DNAH1: variants seen among roughly 807,000 people sequenced by gnomAD.
DNAH1 encodes dynein axonemal heavy chain 1.
DNAH1 carries 327 observed loss-of-function variants against 484.3 expected under a neutral mutation model. The observed-to-expected ratio is 0.68, with a 90% CI of 0.62 to 0.74. The LOEUF is 0.74. Among genes scored for constraint, DNAH1 ranks in the 30% least tolerant of loss-of-function variants. The pLI, the probability that DNAH1 is intolerant of heterozygous loss-of-function variation, is 0.00. For missense variants in DNAH1, 5,052 were observed against 5,546.8 expected, an observed-to-expected ratio of 0.91 and a Z score of 2.83; for synonymous variants, 2,192 against 2,191.9, an observed-to-expected ratio of 1.00 and a Z score of 0.00.
At chr3:52,357,536 G>T in intron 22 of DNAH1, 78 bp from the exon 23 acceptor site, 1 of 1,530,630 alleles carries the variant, frequency 6.5e-7, no homozygotes, top group South Asian at 1.2e-5. Flanking sequence ...TGGCTGGTGT[G>T]GGTGCTCTGG....
In DNAH1 at chr3:52,378,756, C is replaced by T. The variant is rs768667196; in HGVS notation, c.7353C>T (p.Leu2451=). The T allele has an allele frequency of 2.5e-6, 4 of 1,613,626 alleles. No homozygotes were observed. Among genetic ancestry groups the T allele is most frequent in the African/African-American group, 1.3e-5 (1 of 74,924 alleles). ...RDLSKVFQGM[L]MADPAKVEDQ... ...TCTCCAAGGTCTTCCAAGGCATGCTCATGGCTGACCCGGCCAAGGTCGAGG... is the reference window on the plus strand; with the variant it reads ...TCTCCAAGGTCTTCCAAGGCATGCTTATGGCTGACCCGGCCAAGGTCGAGG... The change falls in exon 47 of 78, where the codon CTC becomes CTT. Residue 2451 remains leucine, a synonymous_variant. Transcript: ENST00000420323.
chr3:52,386,097 G>A, intron 54 of DNAH1, 63 bp from the exon 55 acceptor site: 2 of 1,522,174 alleles, frequency 1.3e-6, no homozygotes, highest in South Asian at 1.3e-5. Context: ...CCTTCCATCT[G>A]GGGAGACTAA....
intron 28 of DNAH1, 67 bp downstream of exon 28, chr3:52,360,491 T>G: frequency 7.2e-7 from 1 of 1,390,140 alleles, no homozygotes; most frequent in Non-Finnish European, 1.0e-6. Context: ...GGCCCAGGAA[T>G]CCAGGGACCA....
At chr3:52,324,552 G>T (rs1701265674) in intron 3 of DNAH1, among the ~76,000 whole-genome samples, 1 of 152,106 alleles carries the variant, frequency 6.6e-6, no homozygotes, top group Non-Finnish European at 1.5e-5. Context: ...CCCTGTGGCT[G>T]CCCCTGTCCG....
chr3:52,353,157 A>G lies in DNAH1; in HGVS notation c.3082A>G (p.Thr1028Ala). Residue 1028 changes from threonine to alanine, a missense_variant, in exon 19 of 78, where the codon ACC becomes GCC. Thr to Ala is a moderately conservative substitution (Grantham distance 58). This residue lies in a region of DNAH1 where 2,929 missense variants were observed against 3,409.4 expected (regional missense o/e 0.86). Coordinates refer to ENST00000420323, the MANE Select transcript of DNAH1 (RefSeq NM_015512.5). The surrounding 1 kb of genome is among the most constrained non-coding windows in gnomAD (Gnocchi z 5.0). ...KEFQPYLDLW[T>A]TASDWLRWSE... Reference sequence around the variant, plus strand: ...GTTCCAACCCTACCTGGACCTTTGGACCACAGCGTCTGACTGGCTGCGCTG... The same window carrying G: ...GTTCCAACCCTACCTGGACCTTTGGGCCACAGCGTCTGACTGGCTGCGCTG... 1 of 1,613,948 alleles carries G rather than the reference A, an allele frequency of 6.2e-7. No individual in the cohort carries two copies. The highest frequency in any genetic ancestry group is 8.5e-7 in the Non-Finnish European group (1 of 1,179,878).
intron 8 of DNAH1, among the ~76,000 whole-genome samples, chr3:52,341,399 T>C (rs1701934293): frequency 1.3e-5 from 2 of 152,208 alleles, no homozygotes; most frequent in South Asian, 4.1e-4. Context: ...CAGGGTATAA[T>C]AGAAGAAGCA....
intron 44 of DNAH1, chr3:52,373,843 T>C: frequency 7.1e-7 from 1 of 1,412,342 alleles, no homozygotes; most frequent in Non-Finnish European, 1.0e-6. Flanking sequence ...TACCCAGAAG[T>C]AGTCCATATG....
chr3:52,346,573 C>A lies in DNAH1; in HGVS notation c.1758C>A (p.Thr586=). ...AGGGCTGGTACAACCTCTACGAGAC[C>A]AACTGGGAGGTGTACCTCATGTCCA... ...MSKGWYNLYE[T]NWEVYLMSKL... Residue 586 remains threonine, a synonymous_variant, in exon 11 of 78, where the codon ACC becomes ACA. Coordinates refer to ENST00000420323, the MANE Select transcript of DNAH1 (RefSeq NM_015512.5). 1 of 1,614,050 alleles carries A rather than the reference C, an allele frequency of 6.2e-7. No homozygotes were observed. Among genetic ancestry groups the A allele is most frequent in the South Asian group, 1.1e-5 (1 of 91,078 alleles).
In DNAH1 at chr3:52,368,632, G is replaced by T; in HGVS notation, c.5766-109G>T. On this transcript the variant is annotated intron_variant, in intron 36 of 77. Transcript: ENST00000420323. This position sits in a 1 kb window ranked among gnomAD's most constrained non-coding sequence, Gnocchi z 4.4. ...TAATTTTTAAAAGAACAAAGAGATT[G>T]AAGGAAAGTAGAGCCCGCCCACCCG... 8.5e-7 allele frequency: 1 copy of T among 1,171,134 alleles called. No individual in the cohort carries two copies. Among genetic ancestry groups the T allele is most frequent in the Non-Finnish European group, 1.2e-6 (1 of 825,204 alleles). The allele number at this position is 1,171,134 out of a possible 1,614,324, so 72.5% of individuals were successfully genotyped here.
At chr3:52,345,069 T>TTCCTGCATG in intron 9 of DNAH1, among the ~76,000 whole-genome samples, 1 of 152,314 alleles carries the variant, frequency 6.6e-6, no homozygotes, top group East Asian at 1.9e-4. Context: ...TAGACTCAGC[T>TTCCTGCATG]TCCTGCATGT....
chr3:52,370,972 C>A (rs1375010562), intron 41 of DNAH1, 147 bp downstream of exon 41: 9 of 748,462 alleles, frequency 1.2e-5, no homozygotes, highest in African/African-American at 3.5e-5. Context: ...CTCATGAATC[C>A]TCATGGCCCT....
In DNAH1 at chr3:52,358,748, C is replaced by T. The variant is rs779077427; in HGVS notation, c.4266+11C>T. ...AGGGCCTACCCCACGGTGAGCCGCC[C>T]GCAGCCCGTGCAGCCTTCCACCCCT... On this transcript the variant is annotated intron_variant, in intron 25 of 77. Coordinates refer to ENST00000420323, the MANE Select transcript of DNAH1 (RefSeq NM_015512.5). The surrounding 1 kb of genome is among the most constrained non-coding windows in gnomAD (Gnocchi z 4.2). 30 of 1,611,592 alleles carry T rather than the reference C, an allele frequency of 1.9e-5. No homozygotes were observed. Among genetic ancestry groups the T allele is most frequent in the Middle Eastern group, 3.5e-4 (2 of 5,700 alleles).
chr3:52,396,904 G>A lies in DNAH1; in HGVS notation c.11647G>A (p.Gly3883Ser), dbSNP rs375133650. Reference sequence around the variant, plus strand: ...CACGGCAGGGGAGATCAATTACGGGGGCCGTGTCACTGATGACTGGGACCG... The same window carrying A: ...CACGGCAGGGGAGATCAATTACGGGAGCCGTGTCACTGATGACTGGGACCG... ...KYTAGEINYG[G>S]RVTDDWDRRC... The change falls in exon 73 of 78, where the codon GGC (glycine) becomes AGC (serine). Residue 3883 changes from glycine to serine, a missense_variant. This residue lies in a region of DNAH1 where 853 missense variants were observed against 899.0 expected (regional missense o/e 0.95). Coordinates refer to ENST00000420323, the MANE Select transcript of DNAH1 (RefSeq NM_015512.5). 1.9e-6 allele frequency: 3 copies of A among 1,613,324 alleles called. No homozygotes were observed. The highest frequency in any genetic ancestry group is 2.5e-6 in the Non-Finnish European group (3 of 1,179,846).
Position 52,396,861 on chromosome 3 carries a change from C to G in DNAH1, c.11611-7C>G. 6.2e-7 allele frequency: 1 copy of G among 1,612,934 alleles called. No individual in the cohort carries two copies. Among genetic ancestry groups the G allele is most frequent in the African/African-American group, 1.3e-5 (1 of 74,998 alleles). ...CTTAGGGGAGCCCTCACCCACCCACCCCATAGGTCCTCAAGTACACGGCAG... is the reference window on the plus strand; with the variant it reads ...CTTAGGGGAGCCCTCACCCACCCACGCCATAGGTCCTCAAGTACACGGCAG... On this transcript the variant is annotated splice_region_variant and splice_polypyrimidine_tract_variant and intron_variant, in intron 72 of 77. Coordinates refer to ENST00000420323, the MANE Select transcript of DNAH1 (RefSeq NM_015512.5).
intron 44 of DNAH1, chr3:52,374,608 G>A (rs909141310): frequency 5.0e-5 from 75 of 1,496,518 alleles, no homozygotes; most frequent in Non-Finnish European, 6.7e-5. Context: ...CTCTATTACT[G>A]GAATAATGAA....
At chr3:52,376,186 C>T (rs532431041) in intron 46 of DNAH1, among the ~76,000 whole-genome samples, 193 bp downstream of exon 46, 1 of 152,276 alleles carries the variant, frequency 6.6e-6, no homozygotes, top group East Asian at 1.9e-4. Context: ...TTCACCCATT[C>T]TTAGAGCCCT....
chr3:52,339,000 C>T (rs1249910777), intron 8 of DNAH1, among the ~76,000 whole-genome samples: 1 of 151,820 alleles, frequency 6.6e-6, no homozygotes, highest in Non-Finnish European at 1.5e-5. Context: ...TGCCACTGCA[C>T]TCCAGCCTGG....
At chr3:52,363,227 C>A in intron 32 of DNAH1, 83 bp downstream of exon 32, 1 of 1,557,192 alleles carries the variant, frequency 6.4e-7, no homozygotes. Context: ...GAGGGCCAGG[C>A]TCTATGCCCG....
rs375934111 is a variant in DNAH1, at chr3:52,378,569, C to T, written c.7199-33C>T. 7 of 1,608,554 alleles carry T rather than the reference C, an allele frequency of 4.4e-6. No homozygotes were observed. In the African/African-American group the frequency reaches 6.7e-5, roughly 15 times the overall value. On this transcript the variant is annotated intron_variant, in intron 46 of 77. Transcript: ENST00000420323. Reference sequence around the variant, plus strand: ...CAGAGGCGGCAGAGGGAGCTCCTGGCATGTGACCCAGGCCATTCTCCTATT... The same window carrying T: ...CAGAGGCGGCAGAGGGAGCTCCTGGTATGTGACCCAGGCCATTCTCCTATT...
Sources: allele counts gnomAD v4.1 joint callset (sites outside exome capture counted in the v4.1 genomes callset), GRCh38; gene constraint gnomAD v4.1.1; regional missense constraint gnomAD v4.1.1; non-coding constraint Gnocchi (gnomAD v3.1); transcripts MANE v1.5; gene names NCBI Gene and HGNC (gene_info 2026-07-23, HGNC 2026-07-21).